Variants in TAF6 observed in about 807,000 individuals in gnomAD.
TAF6 encodes the protein transcription initiation factor TFIID subunit 6.
A neutral mutation model predicts 73.5 loss-of-function variants in TAF6; 50 were observed. The observed-to-expected ratio is 0.68, with a 90% confidence interval of 0.54 to 0.86. The LOEUF is 0.86. TAF6 is among the 40% of genes least tolerant of loss of function. The pLI, the probability that TAF6 is intolerant of heterozygous loss-of-function variation, is 0.00. For synonymous variants in TAF6, 424 were observed against 376.7 expected (o/e 1.13, Z -1.45); for missense variants, 768 against 899.5 (o/e 0.85, Z 1.87).
chr7:100,124,650 C>T (rs1335315133), upstream of TAF6: 3 of 1,611,478 alleles, frequency 1.9e-6, no homozygotes, highest in African/African-American at 4.0e-5. Flanking sequence ...AAGGGTTGAA[C>T]TCCTCTCCTG....
chr7:100,125,217 G>A, the TAF6 span: 2 of 268,386 alleles, frequency 7.5e-6, no homozygotes, highest in East Asian at 6.9e-5. Flanking sequence ...TGGAGCTGTG[G>A]GCTTTGGGGA....
At chr7:100,111,625 AG>A in intron 9 of TAF6, 102 bp downstream of exon 9, 1 of 1,281,584 alleles carries the variant, frequency 7.8e-7, no homozygotes, top group South Asian at 1.2e-5. Flanking sequence ...GGCCTCCCAA[AG>A]TTGCTGGGAT....
chr7:100,124,985 G>C, the TAF6 span: 1 of 1,389,332 alleles, frequency 7.2e-7, no homozygotes, highest in East Asian at 2.3e-5. Flanking sequence ...GTGTTTATGA[G>C]TGACTCCACC....
chr7:100,113,509 C>T (rs1008946711), intron 4 of TAF6, 104 bp from the exon 5 acceptor site: 10 of 1,542,514 alleles, frequency 6.5e-6, no homozygotes, highest in Non-Finnish European at 8.8e-6. Flanking sequence ...TTGCAACTCA[C>T]CAGGGATCTC....
At chr7:100,124,300 A>G, upstream of TAF6, 1 of 527,684 alleles carries the variant, frequency 1.9e-6, no homozygotes, top group Non-Finnish European at 3.4e-6. Flanking sequence ...TTTACAGGCA[A>G]GGAGCTGAGA....
chr7:100,107,346 C>T lies in TAF6; in HGVS notation c.1934G>A (p.Gly645Glu), dbSNP rs1467623795. ...PSPLSGSALC[G>E]GKQEAGDSPP... is the part of the protein sequence containing the mutation. ...ACTGTCCCCAGCCTCCTGCTTCCCC[C>T]CACAAAGGGCACTGCCGCTGAGTGG... The change falls in exon 15 of 15, where the codon GGG (glycine) becomes GAG (glutamate). Residue 645 changes from glycine (G) to glutamate (E), a missense_variant. By Grantham distance (98) the Gly-to-Glu change is moderately conservative. Transcript: ENST00000453269. 6.4e-7 allele frequency: 1 copy of T among 1,552,464 alleles called. No homozygotes were observed. Among genetic ancestry groups the T allele is most frequent in the East Asian group, 2.3e-5 (1 of 44,190 alleles).
Position 100,114,218 on chromosome 7 carries a change from C to T in TAF6, c.-9G>A. ...TTCTTCTCCTCAGCCATTCTGGAGT[C>T]CCTCTTCTCCTCCCTGGAAGGATGA... On this transcript the variant is annotated 5_prime_UTR_variant, in exon 2 of 15. Coordinates refer to ENST00000453269, the MANE Select transcript of TAF6 (RefSeq NM_139315.3). 1 of 1,612,296 alleles carries T rather than the reference C, an allele frequency of 6.2e-7. No homozygotes were observed. The highest frequency in any genetic ancestry group is 8.5e-7 in the Non-Finnish European group (1 of 1,180,036).
chr7:100,108,617 T>C, intron 12 of TAF6, 77 bp from the exon 13 acceptor site: 5 of 1,487,656 alleles, frequency 3.4e-6, no homozygotes, highest in South Asian at 2.6e-5. Flanking sequence ...GGTGACACTC[T>C]TGAGAAGAAC....
chr7:100,111,217 G>A lies in TAF6; in HGVS notation c.1005C>T (p.Arg335=). The A allele has an allele frequency of 6.2e-7, 1 of 1,614,232 alleles. No homozygotes were observed. The highest frequency in any genetic ancestry group is 1.3e-5 in the African/African-American group (1 of 75,044). ...NHWALRDFAA[R]LVAQICKHFS... is the part of the protein sequence containing the mutation. The stretch of plus-strand genomic sequence containing the variant: ...AATGCTTGCAGATCTGGGCCACCAG[G>A]CGGGCAGCAAAGTCTCGGAGTGCCC... The change falls in exon 10 of 15, where the codon CGC becomes CGT. Residue 335 remains arginine, a synonymous_variant. Coordinates refer to ENST00000453269, the MANE Select transcript of TAF6 (RefSeq NM_139315.3).
At chr7:100,121,016 T>C (rs1436770547), upstream of TAF6, 1 of 147,398 alleles carries the variant, frequency 6.8e-6, no homozygotes, top group Non-Finnish European at 1.5e-5. Context: ...TGCCAGCCTT[T>C]ATATATGTTG....
rs1797448193 is a variant in TAF6 at position 100,113,930 on chromosome 7, C to T, written c.181G>A (p.Gly61Arg). 6.2e-7 allele frequency: 1 copy of T among 1,614,138 alleles called. No individual in the cohort carries two copies. The highest frequency in any genetic ancestry group is 8.5e-7 in the Non-Finnish European group (1 of 1,180,026). Residue 61 changes from glycine (G) to arginine (R), a missense_variant, in exon 3 of 15, where the codon GGG becomes AGG. Physicochemically the swap from Gly to Arg is moderately radical, Grantham distance 125. Transcript: ENST00000453269. ...CTGGTGGTGAGCTTCTGCCGCTTCCCCATGTGCATGAACTTCAAGGCATCC... is the reference window on the plus strand; with the variant it reads ...CTGGTGGTGAGCTTCTGCCGCTTCCTCATGTGCATGAACTTCAAGGCATCC... ...AQDALKFMHMGKRQKLTTSDI... is the reference protein window; with the variant it reads ...AQDALKFMHMRKRQKLTTSDI...
upstream of TAF6, chr7:100,119,605 T>G: frequency 1.3e-6 from 2 of 1,543,640 alleles, no homozygotes; most frequent in Non-Finnish European, 1.8e-6. Flanking sequence ...GCCCCACCCT[T>G]GTTGGGCTGA....
chr7:100,121,819 G>C (rs1259334206), upstream of TAF6, among the ~76,000 whole-genome samples: 1 of 151,846 alleles, frequency 6.6e-6, no homozygotes, highest in East Asian at 2.0e-4. Flanking sequence ...GGGAGGCCAA[G>C]GCGGGCGGAT....
At chr7:100,118,469 CA>C (rs1797867775) in intron 1 of TAF6, 1 of 151,784 alleles carries the variant, frequency 6.6e-6, no homozygotes, top group African/African-American at 2.4e-5. Context: ...ACAGCCTGGT[CA>C]ACATAGTGAG....
At chr7:100,125,785 T>G in the TAF6 span, among the ~76,000 whole-genome samples, 6 of 152,190 alleles carry the variant, frequency 3.9e-5, no homozygotes, top group East Asian at 3.8e-4. Flanking sequence ...GACTCACACC[T>G]GTAATCCTAG....
upstream of TAF6, among the ~76,000 whole-genome samples, chr7:100,123,993 G>T (rs1057130248): frequency 2.0e-5 from 3 of 152,156 alleles, no homozygotes; most frequent in East Asian, 5.8e-4. Context: ...GCCGGGCGTG[G>T]TGGTGTGGTG....
Position 100,111,151 on chromosome 7 carries a change from C to T in TAF6, c.1071G>A (p.Lys357=). 1.2e-6 allele frequency: 2 copies of T among 1,613,864 alleles called. No individual in the cohort carries two copies. The highest frequency in any genetic ancestry group is 2.7e-5 in the African/African-American group (2 of 75,040). Residue 357 remains lysine (K), a synonymous_variant, in exon 10 of 15, where the codon AAG becomes AAA. Coordinates refer to ENST00000453269, the MANE Select transcript of TAF6 (RefSeq NM_139315.3). ...TTTCCTGGCTCACCTTGGTGAAGGT[C>T]TTGGTGATCCGGGACTGGATGTTGT... is the stretch of plus-strand genomic sequence containing the variant. ...TTNNIQSRIT[K]TFTKSWVDEK... is the part of the protein sequence containing the mutation.
chr7:100,122,707 C>G, upstream of TAF6: 4 of 1,533,320 alleles, frequency 2.6e-6, no homozygotes, highest in Admixed American at 7.4e-5. Context: ...CAGTAGTTGA[C>G]AAAACTGAAA....
rs532589360 is a variant in TAF6, at chr7:100,114,262, G to A, written c.-53C>T. ...AGGATGAAGCCCCCGGTGGAGAGAC[G>A]GAGACCCTGGCAGAGGAACGGGGCA... On this transcript the variant is annotated 5_prime_UTR_variant, in exon 2 of 15. Transcript: ENST00000453269. 21 of 1,613,306 alleles carry A rather than the reference G, an allele frequency of 1.3e-5. No individual in the cohort carries two copies. Among genetic ancestry groups the A allele is most frequent in the South Asian group, 1.2e-4 (11 of 91,084 alleles).
Sources: gnomAD v4.1 joint callset for allele counts (sites outside exome capture counted in the v4.1 genomes callset) on GRCh38, gnomAD v4.1.1 for gene constraint, MANE v1.5 for transcripts, NCBI Gene and HGNC (gene_info 2026-07-23, HGNC 2026-07-21) for gene names.